Variants in VKORC1L1 observed in about 807,000 individuals in gnomAD.
The protein encoded by VKORC1L1 is vitamin K epoxide reductase complex subunit 1-like protein 1.
In VKORC1L1, 2 loss-of-function variants were observed where a neutral mutation model predicts 18.9. The observed-to-expected ratio is 0.11, with a 90% confidence interval of 0.04 to 0.33. VKORC1L1 has a LOEUF of 0.33. Among genes scored for constraint, VKORC1L1 ranks in the 10% least tolerant of loss-of-function variants. VKORC1L1 has a pLI of 1.00. For synonymous variants in VKORC1L1, 96 were observed against 100.0 expected (o/e 0.96, Z 0.24); for missense variants, 123 against 224.1 (o/e 0.55, Z 2.88).
chr7:65,916,906 C>A (rs533622832), intron 1 of VKORC1L1, among the ~76,000 whole-genome samples: 3 of 152,182 alleles, frequency 2.0e-5, no homozygotes, highest in African/African-American at 7.2e-5. Context: ...CCTGAAATAT[C>A]TTTTTTTAGG....
intron 1 of VKORC1L1, among the ~76,000 whole-genome samples, chr7:65,876,620 C>T (rs1474327397): frequency 6.6e-6 from 1 of 152,218 alleles, no homozygotes; most frequent in East Asian, 1.9e-4. Context: ...AGTTAGCAGT[C>T]CCTGCCCCCT....
intron 1 of VKORC1L1, among the ~76,000 whole-genome samples, chr7:65,909,550 A>T (rs1204718131): frequency 1.3e-5 from 2 of 152,132 alleles, no homozygotes; most frequent in Non-Finnish European, 2.9e-5. Context: ...AAGGAAATAG[A>T]TTTGGTTCTA....
intron 1 of VKORC1L1, among the ~76,000 whole-genome samples, chr7:65,919,796 G>A (rs1789646491): frequency 6.6e-6 from 1 of 152,078 alleles, no homozygotes; most frequent in Non-Finnish European, 1.5e-5. Context: ...GGTGGCTCAT[G>A]CCTGTAATCC....
intron 1 of VKORC1L1, among the ~76,000 whole-genome samples, chr7:65,888,645 A>G (rs1789054460): frequency 6.6e-6 from 1 of 151,948 alleles, no homozygotes; most frequent in Admixed American, 6.6e-5. Context: ...AGGGGGGTGC[A>G]GGGGGGAGTT....
At chr7:65,895,465 A>G (rs1309187211) in intron 1 of VKORC1L1, among the ~76,000 whole-genome samples, 1 of 48,232 alleles carries the variant, frequency 2.1e-5, no homozygotes. Context: ...AAAAAAAAAA[A>G]AAAAAAAAAA....
chr7:65,935,774 C>T (rs952581388), intron 1 of VKORC1L1, among the ~76,000 whole-genome samples: 1 of 152,140 alleles, frequency 6.6e-6, no homozygotes, highest in Non-Finnish European at 1.5e-5. Context: ...AATCAACTCT[C>T]ATGTTAACTG....
intron 1 of VKORC1L1, among the ~76,000 whole-genome samples, chr7:65,910,704 A>G (rs865808577): frequency 6.6e-6 from 1 of 151,716 alleles, no homozygotes; most frequent in Non-Finnish European, 1.5e-5. Context: ...GGTCTTCTGT[A>G]TCATTAGTTT....
chr7:65,895,465 AAAAAAAAAAAAAAAAATATATATAT>A (rs1232439539), intron 1 of VKORC1L1, among the ~76,000 whole-genome samples: 1 of 48,232 alleles, frequency 2.1e-5, no homozygotes, highest in African/African-American at 9.1e-5. Context: ...AAAAAAAAAA[AAAAAAAAAAAAAAAAATATATATAT>A]ATATATATAT....
intron 1 of VKORC1L1, among the ~76,000 whole-genome samples, chr7:65,899,464 G>A (rs1398944629): frequency 6.6e-6 from 1 of 152,204 alleles, no homozygotes; most frequent in African/African-American, 2.4e-5. Flanking sequence ...GCCCTCTGCA[G>A]TAATGTTTTT....
intron 1 of VKORC1L1, among the ~76,000 whole-genome samples, chr7:65,910,198 C>T (rs570288346): frequency 6.6e-6 from 1 of 152,248 alleles, no homozygotes; most frequent in Admixed American, 6.5e-5. Flanking sequence ...TCAAATTTCT[C>T]CTCAGTACCA....
At chr7:65,900,678 G>A (rs1043813441) in intron 1 of VKORC1L1, among the ~76,000 whole-genome samples, 4 of 151,318 alleles carry the variant, frequency 2.6e-5, no homozygotes, top group African/African-American at 9.7e-5. Flanking sequence ...TGTGGCACAT[G>A]CCTGTAGTCC....
At chr7:65,878,934 T>G (rs1275175123) in intron 1 of VKORC1L1, among the ~76,000 whole-genome samples, 1 of 152,040 alleles carries the variant, frequency 6.6e-6, no homozygotes, top group Non-Finnish European at 1.5e-5. Context: ...TAAATTCTTG[T>G]CTAGGTAAGG....
chr7:65,895,300 C>G (rs1789172782), intron 1 of VKORC1L1, among the ~76,000 whole-genome samples: 1 of 151,358 alleles, frequency 6.6e-6, no homozygotes, highest in African/African-American at 2.4e-5. Context: ...CATAAAATAA[C>G]TGTGCATCTT....
Position 65,955,400 on chromosome 7 carries a change from C to T in VKORC1L1, c.*1100C>T, listed in dbSNP as rs1790278543. On this transcript the variant is annotated 3_prime_UTR_variant, in exon 3 of 3. Transcript: ENST00000360768. ...AATTTAATTGTTTTGCAGTCAAATA[C>T]TGGATTTGTAACCTTCAGGGCTGAC... The T allele has an allele frequency of 6.6e-6, 1 of 152,222 alleles. No individual in the cohort carries two copies. Among genetic ancestry groups the T allele is most frequent in the Admixed American group, 6.5e-5 (1 of 15,280 alleles). 9.4% of individuals were successfully genotyped at this position (152,222 alleles called of 1,614,324 possible). A position where few individuals can be genotyped will look rare whatever the true frequency, so the allele number is the denominator to read the frequency against.
intron 1 of VKORC1L1, among the ~76,000 whole-genome samples, chr7:65,876,395 G>A (rs200268739): frequency 6.6e-6 from 1 of 151,852 alleles, no homozygotes; most frequent in Non-Finnish European, 1.5e-5. Flanking sequence ...CCAGCTACTC[G>A]GGAGGCTGAG....
At chr7:65,932,738 G>A (rs1258209961) in intron 1 of VKORC1L1, among the ~76,000 whole-genome samples, 1 of 152,080 alleles carries the variant, frequency 6.6e-6, no homozygotes, top group African/African-American at 2.4e-5. Context: ...TTTATGTTTT[G>A]TTTACGATGT....
chr7:65,886,837 G>A (rs1397048026), intron 1 of VKORC1L1, among the ~76,000 whole-genome samples: 2 of 101,362 alleles, frequency 2.0e-5, no homozygotes, highest in Admixed American at 1.1e-4. Context: ...GCGCCTGTCC[G>A]AGTTTTTTTT....
Position 65,942,449 on chromosome 7 carries a change from G to A in VKORC1L1, c.195-6222G>A, listed in dbSNP as rs565410935. ...GGAGCTTGCAGTGAGCCAAGACCAC[G>A]CCACTGCACACCGGCCTGGGTGACA... On this transcript the variant is annotated intron_variant, in intron 1 of 2. Coordinates refer to ENST00000360768, the MANE Select transcript of VKORC1L1 (RefSeq NM_173517.6). 2.5e-3 allele frequency among the ~76,000 whole-genome samples: 336 copies of A among 133,068 alleles called. 2 individuals carry two copies. The highest frequency in any genetic ancestry group is 3.5e-3 in the Non-Finnish European group (226 of 64,944). The allele number at this position is 133,068 out of a possible 152,430, so 87.3% of individuals were successfully genotyped here.
chr7:65,927,164 G>A, intron 1 of VKORC1L1, among the ~76,000 whole-genome samples: 1 of 152,148 alleles, frequency 6.6e-6, no homozygotes, highest in East Asian at 1.9e-4. Context: ...GTGGGTGCCT[G>A]TAGTCCCAGC....
Sources: allele counts gnomAD v4.1 joint callset (sites outside exome capture counted in the v4.1 genomes callset), GRCh38; gene constraint gnomAD v4.1.1; transcripts MANE v1.5; gene names NCBI Gene and HGNC (gene_info 2026-07-23, HGNC 2026-07-21).